WWC1: variants seen among roughly 807,000 people sequenced by gnomAD.
The protein encoded by WWC1 is protein KIBRA.
Under a neutral mutation model 138.4 loss-of-function variants are expected in WWC1, and 55 were observed. The ratio of observed to expected loss-of-function variants is 0.40; its 90% CI spans 0.32 to 0.50. The LOEUF is 0.50. Ranked by LOEUF, WWC1 falls within the 20% of genes least tolerant of loss-of-function variation. The pLI is 0.72. For missense variants in WWC1, 1,226 were observed against 1,420.4 expected (o/e 0.86, Z 2.20); for synonymous variants, 524 against 564.9 (o/e 0.93, Z 1.03).
At chr5:168,323,651 T>G (rs1244953764) in intron 1 of WWC1, among the ~76,000 whole-genome samples, 1 of 152,080 alleles carries the variant, frequency 6.6e-6, no homozygotes. Flanking sequence ...TTAATCAGTC[T>G]AAGAAATGTG....
At chr5:168,363,664 C>T (rs540553327) in intron 1 of WWC1, among the ~76,000 whole-genome samples, 2 of 152,040 alleles carry the variant, frequency 1.3e-5, no homozygotes, top group South Asian at 2.1e-4. Flanking sequence ...TCATGAAAAT[C>T]GGGGTATAAA....
At position 168,397,869 on chromosome 5, in the gene WWC1, C is replaced by G. The variant is rs182004821; in HGVS notation, c.510+69C>G. 6.4e-5 allele frequency: 98 copies of G among 1,542,516 alleles called. 1 individual carries two copies. In the African/African-American group the frequency reaches 1.2e-3, roughly 19 times the overall value. The stretch of plus-strand genomic sequence containing the variant: ...CTGAGGTCTTAGGCCACAAGCCCAC[C>G]CACAAGACCAGAACAGATGCTCCAG... On this transcript the variant is annotated intron_variant, in intron 4 of 22. Transcript: ENST00000265293.
intron 1 of WWC1, among the ~76,000 whole-genome samples, chr5:168,300,036 A>C (rs1381284395): frequency 1.3e-5 from 2 of 152,202 alleles, no homozygotes; most frequent in Non-Finnish European, 2.9e-5. Context: ...TGCTAAGGGA[A>C]GCACCTCCAC....
intron 16 of WWC1, among the ~76,000 whole-genome samples, chr5:168,443,773 C>T (rs1024575055): frequency 6.6e-6 from 1 of 152,168 alleles, no homozygotes; most frequent in Non-Finnish European, 1.5e-5. Context: ...AGGCTCTGGC[C>T]CACACTACCA....
chr5:168,342,513 G>A (rs1774119167), intron 1 of WWC1, among the ~76,000 whole-genome samples: 1 of 152,184 alleles, frequency 6.6e-6, no homozygotes, highest in South Asian at 2.1e-4. Flanking sequence ...TTAGATATGA[G>A]GTTGAATTCA....
chr5:168,402,475 A>T (rs1378159531), intron 5 of WWC1, among the ~76,000 whole-genome samples: 2 of 152,108 alleles, frequency 1.3e-5, no homozygotes, highest in Non-Finnish European at 1.5e-5. Context: ...ATGAGGGAAG[A>T]GCTCCTTGAG....
At chr5:168,320,708 T>G (rs1185221839) in intron 1 of WWC1, among the ~76,000 whole-genome samples, 1 of 152,144 alleles carries the variant, frequency 6.6e-6, no homozygotes, top group Non-Finnish European at 1.5e-5. Context: ...TGAGGCTTTT[T>G]CAAGTAGAGC....
intron 8 of WWC1, 194 bp downstream of exon 8, chr5:168,410,189 T>G: frequency 1.7e-6 from 1 of 603,350 alleles, no homozygotes; most frequent in South Asian, 2.3e-5. Context: ...CCAGGACACT[T>G]CACAAGACAG....
chr5:168,322,002 C>T (rs1236077809), intron 1 of WWC1, among the ~76,000 whole-genome samples: 1 of 152,054 alleles, frequency 6.6e-6, no homozygotes. Context: ...AAGTGTGATC[C>T]CTGGAAATAT....
intron 19 of WWC1, among the ~76,000 whole-genome samples, chr5:168,457,538 A>G (rs990894574): frequency 6.6e-6 from 1 of 152,208 alleles, no homozygotes; most frequent in Admixed American, 6.5e-5. Flanking sequence ...AGCAATGGAA[A>G]TGGACAGTGA....
intron 1 of WWC1, among the ~76,000 whole-genome samples, chr5:168,356,803 C>T (rs1406976018): frequency 6.6e-6 from 1 of 152,108 alleles, no homozygotes; most frequent in Non-Finnish European, 1.5e-5. Flanking sequence ...TGGCTCTTGT[C>T]GCGCTTCTCC....
intron 13 of WWC1, 113 bp downstream of exon 13, chr5:168,428,900 C>A: frequency 9.4e-7 from 1 of 1,068,868 alleles, no homozygotes; most frequent in Non-Finnish European, 1.4e-6. Context: ...AAGGCAGCAC[C>A]AGCAGGACCT....
intron 1 of WWC1, among the ~76,000 whole-genome samples, chr5:168,349,022 G>A (rs1774710558): frequency 6.6e-6 from 1 of 152,092 alleles, no homozygotes; most frequent in Non-Finnish European, 1.5e-5. Flanking sequence ...TTACATAGGA[G>A]GAAACTGAGG....
intron 17 of WWC1, 48 bp downstream of exon 17, chr5:168,444,633 A>C (rs747670674): frequency 6.2e-7 from 1 of 1,600,184 alleles, no homozygotes; most frequent in South Asian, 1.1e-5. Context: ...GCCTGGACCT[A>C]GGCCCAGCAA....
At chr5:168,447,472 A>T (rs751288813) in intron 17 of WWC1, among the ~76,000 whole-genome samples, 2 of 152,200 alleles carry the variant, frequency 1.3e-5, no homozygotes, top group African/African-American at 2.4e-5. Context: ...TTCCACTGAA[A>T]CGTCATTTAT....
In WWC1 at chr5:168,454,077, A is replaced by G. The variant is rs1394763479; in HGVS notation, c.2635A>G (p.Met879Val). ...DVFTEKASPDMDGYPALKVDK... is the reference protein window; with the variant it reads ...DVFTEKASPDVDGYPALKVDK... Reference sequence around the variant, plus strand: ...TTTCACCGAGAAAGCCTCACCTGATATGGATGGGTACCCAGCATTAAAGGT... The same window carrying G: ...TTTCACCGAGAAAGCCTCACCTGATGTGGATGGGTACCCAGCATTAAAGGT... Residue 879 changes from methionine (M) to valine (V), a missense_variant, in exon 18 of 23, where the codon ATG becomes GTG. Transcript: ENST00000265293. 3 of 1,613,346 alleles carry G rather than the reference A, an allele frequency of 1.9e-6. No individual in the cohort carries two copies. The highest frequency in any genetic ancestry group is 1.1e-5 in the South Asian group (1 of 90,992).
At chr5:168,333,070 C>G (rs1011527883) in intron 1 of WWC1, among the ~76,000 whole-genome samples, 18 of 152,208 alleles carry the variant, frequency 1.2e-4, no homozygotes, top group African/African-American at 3.4e-4. Context: ...CACCTCAGAC[C>G]TCCTGACTTC....
chr5:168,371,484 A>G lies in WWC1; in HGVS notation c.180A>G (p.Glu60=). ...GTGATGAGTTGCCGCTAGGATGGGA[A>G]GAGGCATATGACCCACAGGTTGGAG... ...CISDELPLGW[E]EAYDPQVGDY... Residue 60 remains glutamate (E), a synonymous_variant, in exon 2 of 23, where the codon GAA becomes GAG. Coordinates refer to ENST00000265293, the MANE Select transcript of WWC1 (RefSeq NM_015238.3). The G allele has an allele frequency of 6.2e-7, 1 of 1,614,066 alleles. No homozygotes were observed. The highest frequency in any genetic ancestry group is 8.5e-7 in the Non-Finnish European group (1 of 1,179,992).
intron 20 of WWC1, among the ~76,000 whole-genome samples, chr5:168,462,775 C>A (rs908710319): frequency 6.6e-6 from 1 of 152,260 alleles, no homozygotes; most frequent in African/African-American, 2.4e-5. Context: ...GGCCCTTGGG[C>A]ACTGCTCCTT....
Sources: gnomAD v4.1 joint callset for allele counts (sites outside exome capture counted in the v4.1 genomes callset) on GRCh38, gnomAD v4.1.1 for gene constraint, MANE v1.5 for transcripts, NCBI Gene and HGNC (gene_info 2026-07-23, HGNC 2026-07-21) for gene names.